ZNF737: variants seen among roughly 807,000 people sequenced by gnomAD.
ZNF737 encodes the protein zinc finger protein 102 (Y3).
In ZNF737, 13 loss-of-function variants were observed where a neutral mutation model predicts 11.7. That is an observed-to-expected ratio of 1.11 (90% CI 0.73 to 1.77). The LOEUF is 1.77. Among genes scored for constraint, ZNF737 ranks in the 40% most tolerant of loss-of-function variants. The pLI is 0.00. For synonymous variants in ZNF737, 217 were observed against 216.2 expected (o/e 1.00, Z -0.03); for missense variants, 636 against 638.0 (o/e 1.00, Z 0.03).
At chr19:20,531,998 T>G (rs1363050035), downstream of ZNF737, among the ~76,000 whole-genome samples, 7 of 150,338 alleles carry the variant, frequency 4.7e-5, 1 homozygote, top group African/African-American at 1.2e-4. Context: ...CATGTCAGAA[T>G]GGAACATAGT....
At position 20,565,632 on chromosome 19, in the gene ZNF737, T is replaced by C; in HGVS notation, c.3+6A>G. 6.2e-7 allele frequency: 1 copy of C among 1,614,126 alleles called. No homozygotes were observed. The stretch of plus-strand genomic sequence containing the variant: ...CTCTCTCGGGATGTCGGACCGGCAC[T>C]CTCACCATTTCTAGGCTTCCAGGGG... On this transcript the variant is annotated splice_donor_region_variant and intron_variant, in intron 1 of 3. Transcript: ENST00000427401.
downstream of ZNF737, chr19:20,537,877 C>T (rs1322059603): frequency 5.6e-6 from 1 of 177,386 alleles, no homozygotes; most frequent in Non-Finnish European, 1.1e-5. Flanking sequence ...TGATCTTATT[C>T]AAATGTTTTA....
intron 1 of ZNF737, among the ~76,000 whole-genome samples, chr19:20,563,777 C>A (rs10419819): frequency 0.26 from 39,580 of 152,012 alleles, 5,699 homozygotes; most frequent in East Asian, 0.44. Context: ...TGAGCCACTG[C>A]ACCTGGCTAA....
At chr19:20,552,195 G>A (rs880001149) in intron 3 of ZNF737, among the ~76,000 whole-genome samples, 9 of 152,068 alleles carry the variant, frequency 5.9e-5, no homozygotes, top group Non-Finnish European at 8.8e-5. Flanking sequence ...AGACTGTGCA[G>A]TATTTTATAT....
downstream of ZNF737, chr19:20,536,139 A>G: frequency 4.1e-6 from 4 of 984,264 alleles, no homozygotes; most frequent in Non-Finnish European, 4.8e-6. Context: ...CTTCTCTGCA[A>G]TAAACAAAAA....
chr19:20,552,304 C>T lies in ZNF737; in HGVS notation c.226+171G>A, dbSNP rs376158740. ...AATTTAAAAGCATAAGCAGAAGATG[C>T]CCCTTTATAAGAGCAAAATTTAAAA... On this transcript the variant is annotated intron_variant, in intron 3 of 3. Coordinates refer to ENST00000427401, the MANE Select transcript of ZNF737 (RefSeq NM_001159293.2). Among the ~76,000 whole-genome samples, 12 of 148,870 alleles carry T rather than the reference C, an allele frequency of 8.1e-5. No individual in the cohort carries two copies. The East Asian group carries it at 1.4e-3, about 17-fold the overall frequency.
At chr19:20,553,901 A>G (rs1968790419) in intron 1 of ZNF737, 66 bp from the exon 2 acceptor site, 1 of 1,569,340 alleles carries the variant, frequency 6.4e-7, no homozygotes, top group Non-Finnish European at 8.6e-7. Flanking sequence ...ATTTGACTTA[A>G]GTTCAAATGA....
Position 20,539,213 on chromosome 19 carries a change from C to G in ZNF737, c.*5379G>C, listed in dbSNP as rs1296208195. 4.0e-5 allele frequency: 30 copies of G among 750,862 alleles called. No individual in the cohort carries two copies. The highest frequency in any genetic ancestry group is 4.9e-5 in the Non-Finnish European group (30 of 616,326). 46.5% of individuals were successfully genotyped at this position (750,862 alleles called of 1,614,324 possible). ...GCTGAGGCGGAAGAATCACTTGAAC[C>G]AGGGAGGTGGAGGTTGCAGTGAGCT... On this transcript the variant is annotated 3_prime_UTR_variant, in exon 4 of 4. Coordinates refer to ENST00000427401, the MANE Select transcript of ZNF737 (RefSeq NM_001159293.2).
rs1322511039 is a variant in ZNF737, at chr19:20,544,375, G to A, written c.*217C>T. 2.9e-6 allele frequency: 4 copies of A among 1,395,318 alleles called. No homozygotes were observed. Among genetic ancestry groups the A allele is most frequent in the Admixed American group, 3.1e-5 (1 of 32,610 alleles). 86.4% of individuals were successfully genotyped at this position (1,395,318 alleles called of 1,614,324 possible). A position where few individuals can be genotyped will look rare whatever the true frequency, so the allele number is the denominator to read the frequency against. On this transcript the variant is annotated 3_prime_UTR_variant, in exon 4 of 4. Coordinates refer to ENST00000427401, the MANE Select transcript of ZNF737 (RefSeq NM_001159293.2). ...TTCTCTCCAGTACGAATTATCTTAT[G>A]TCTAGTAAGGGCAGAGGTGTCCTTA...
downstream of ZNF737, among the ~76,000 whole-genome samples, chr19:20,534,698 A>G (rs1555753523): frequency 6.7e-6 from 1 of 149,930 alleles, no homozygotes. Flanking sequence ...AGATCAGCTT[A>G]ATTTTCAGAA....
chr19:20,535,918 C>A (rs1470312671), downstream of ZNF737: 1 of 223,096 alleles, frequency 4.5e-6, no homozygotes, highest in African/African-American at 2.4e-5. Flanking sequence ...AACAAAAAAT[C>A]CCCTATAAGG....
intron 3 of ZNF737, among the ~76,000 whole-genome samples, chr19:20,551,748 A>C (rs1555758509): frequency 1.3e-5 from 2 of 151,916 alleles, no homozygotes; most frequent in Non-Finnish European, 2.9e-5. Flanking sequence ...TGTTTACAAT[A>C]AAAAAATGAA....
chr19:20,551,507 G>A (rs1199112180), intron 3 of ZNF737, among the ~76,000 whole-genome samples: 1 of 150,516 alleles, frequency 6.6e-6, no homozygotes, highest in East Asian at 1.9e-4. Flanking sequence ...GTTGCTGTTT[G>A]TGGATCATAC....
downstream of ZNF737, chr19:20,535,928 G>GT (rs373019519): frequency 1.1e-5 from 3 of 266,470 alleles, no homozygotes; most frequent in African/African-American, 2.3e-5. Context: ...CCCCTATAAG[G>GT]TTTTTTGTCT....
At chr19:20,536,393 T>C (rs1274515101), downstream of ZNF737, among the ~76,000 whole-genome samples, 17 of 152,190 alleles carry the variant, frequency 1.1e-4, no homozygotes, top group Non-Finnish European at 2.9e-5. Context: ...TTATTTAAAA[T>C]TTTATTTCAT....
At chr19:20,552,925 T>C (rs1968741913) in intron 2 of ZNF737, among the ~76,000 whole-genome samples, 2 of 151,392 alleles carry the variant, frequency 1.3e-5, no homozygotes, top group South Asian at 4.2e-4. Context: ...GGCAGAAGAA[T>C]TGCTTCAACC....
In ZNF737 at chr19:20,542,084, G is replaced by A; in HGVS notation, c.*2508C>T. ...ATTACTAAAGATGTTATTTTACAAT[G>A]TATGAAATAGTATATTCCTACAATA... On this transcript the variant is annotated 3_prime_UTR_variant, in exon 4 of 4. Transcript: ENST00000427401. 3 of 985,100 alleles carry A rather than the reference G, an allele frequency of 3.0e-6. No homozygotes were observed. Among genetic ancestry groups the A allele is most frequent in the Non-Finnish European group, 3.6e-6 (3 of 829,682 alleles). 61.0% of individuals were successfully genotyped at this position (985,100 alleles called of 1,614,324 possible). A position where few individuals can be genotyped will look rare whatever the true frequency, so the allele number is the denominator to read the frequency against.
At chr19:20,546,051 T>A in intron 3 of ZNF737, 75 bp from the exon 4 acceptor site, 3 of 1,454,432 alleles carry the variant, frequency 2.1e-6, no homozygotes, top group Non-Finnish European at 2.7e-6. Flanking sequence ...CTAACCTATA[T>A]AATTATACAA....
In ZNF737 at chr19:20,543,815, T is replaced by C. The variant is rs1333194389; in HGVS notation, c.*777A>G. The C allele has an allele frequency of 1.1e-5, 11 of 985,350 alleles. No individual in the cohort carries two copies. The Admixed American group carries it at 3.1e-4, about 28-fold the overall frequency. The allele number at this position is 985,350 out of a possible 1,614,324, so 61.0% of individuals were successfully genotyped here. On this transcript the variant is annotated 3_prime_UTR_variant, in exon 4 of 4. Coordinates refer to ENST00000427401, the MANE Select transcript of ZNF737 (RefSeq NM_001159293.2). Reference sequence around the variant, plus strand: ...CGGATTTCCTCTTCAACATGAATTATTGCCATGCCTCTTAAGAATTGAGAA... The same window carrying C: ...CGGATTTCCTCTTCAACATGAATTACTGCCATGCCTCTTAAGAATTGAGAA...
Sources: allele counts gnomAD v4.1 joint callset (sites outside exome capture counted in the v4.1 genomes callset), GRCh38; gene constraint gnomAD v4.1.1; transcripts MANE v1.5; gene names NCBI Gene and HGNC (gene_info 2026-07-23, HGNC 2026-07-21).